Variants in MYO1C observed in about 807,000 individuals in gnomAD.
The protein encoded by MYO1C is unconventional myosin-Ic.
Under a neutral mutation model 150.8 loss-of-function variants are expected in MYO1C, and 104 were observed. The ratio of observed to expected loss-of-function variants is 0.69; its 90% CI spans 0.59 to 0.81. The LOEUF is 0.81. MYO1C is among the 30% of genes least tolerant of loss of function. MYO1C has a pLI of 0.00. For synonymous variants in MYO1C, 663 were observed against 579.9 expected (o/e 1.14, Z -2.06); for missense variants, 1,504 against 1,435.0 (o/e 1.05, Z -0.78).
intron 14 of MYO1C, among the ~76,000 whole-genome samples, chr17:1,475,835 T>G (rs545150052): frequency 1.1e-4 from 17 of 152,096 alleles, no homozygotes; most frequent in African/African-American, 4.1e-4. Flanking sequence ...AAGGGCTGGG[T>G]GAGAGAGGGG....
intron 1 of MYO1C, among the ~76,000 whole-genome samples, chr17:1,487,803 C>G (rs1433012476): frequency 6.6e-6 from 1 of 152,174 alleles, no homozygotes; most frequent in African/African-American, 2.4e-5. Context: ...CCTGTGTAAT[C>G]CCAGCTGCTC....
chr17:1,491,524 C>T (rs980408152), intron 1 of MYO1C: 10 of 663,912 alleles, frequency 1.5e-5, no homozygotes, highest in Non-Finnish European at 1.9e-5. Context: ...GCCTCGTGCA[C>T]GGCGGCTCCC....
intron 31 of MYO1C, among the ~76,000 whole-genome samples, chr17:1,466,724 C>A (rs2074179107): frequency 6.7e-6 from 1 of 149,954 alleles, no homozygotes. Context: ...CTCCTGGGTT[C>A]AAGCAATTCT....
rs1332415592 is a variant in MYO1C, at chr17:1,492,398, A to T, written c.75+15T>A. The T allele has an allele frequency of 6.3e-7, 1 of 1,595,982 alleles. No individual in the cohort carries two copies. The highest frequency in any genetic ancestry group is 1.3e-5 in the African/African-American group (1 of 74,398). On this transcript the variant is annotated intron_variant, in intron 1 of 31. Transcript: ENST00000648651. ...CGCTCCCACCCTCCTCCCAGCCCAG[A>T]GCATCCCAGCTTACAAGCTTGCAGG...
At position 1,470,635 on chromosome 17, in the gene MYO1C, C is replaced by T. The variant is rs761592760; in HGVS notation, c.2267G>A (p.Arg756Gln). 8.1e-6 allele frequency: 13 copies of T among 1,611,692 alleles called. 1 individual carries two copies. The Admixed American group carries it at 8.3e-5, about 10-fold the overall frequency. The part of the protein sequence containing the change: ...RGFHWRQKFL[R>Q]VKRSAICIQS... ...GGCCCGCGAACCTGATCTCTTCACCCGGAGGAATTTCTGCCGCCAGTGAAA... is the reference window on the plus strand; with the variant it reads ...GGCCCGCGAACCTGATCTCTTCACCTGGAGGAATTTCTGCCGCCAGTGAAA... Residue 756 changes from arginine to glutamine, a missense_variant, in exon 22 of 32, where the codon CGG (arginine) becomes CAG (glutamine). By Grantham distance (43) the Arg-to-Gln change is conservative (BLOSUM62 1). Coordinates refer to ENST00000648651, the MANE Select transcript of MYO1C (RefSeq NM_001080779.2).
rs1318388345 is a variant in MYO1C, at chr17:1,478,542, C to G, written c.1213-50G>C. 6.2e-7 allele frequency: 1 copy of G among 1,613,766 alleles called. No individual in the cohort carries two copies. The highest frequency in any genetic ancestry group is 8.5e-7 in the Non-Finnish European group (1 of 1,179,922). On this transcript the variant is annotated intron_variant, in intron 10 of 31. Coordinates refer to ENST00000648651, the MANE Select transcript of MYO1C (RefSeq NM_001080779.2). The surrounding 1 kb of genome is among the most constrained non-coding windows in gnomAD (Gnocchi z 6.3). ...CGTGGGCCCCCTGCGCGTGCCAGCCCCACCCTGCAGCACCCCCCGCCTCGC... is the reference window on the plus strand; with the variant it reads ...CGTGGGCCCCCTGCGCGTGCCAGCCGCACCCTGCAGCACCCCCCGCCTCGC...
At chr17:1,477,192 TTTTG>T in intron 14 of MYO1C, 1 of 261,218 alleles carries the variant, frequency 3.8e-6, no homozygotes, top group Non-Finnish European at 7.3e-6. Flanking sequence ...TTTTTTTTTT[TTTTG>T]AGACGGAGTC....
At chr17:1,486,363 G>C (rs1419369132) in intron 1 of MYO1C, among the ~76,000 whole-genome samples, 1 of 152,142 alleles carries the variant, frequency 6.6e-6, no homozygotes, top group Non-Finnish European at 1.5e-5. Context: ...TGCCCTGGCC[G>C]AGCGCGCGGA....
At chr17:1,480,501 A>G (rs1299602942) in intron 7 of MYO1C, 26 bp downstream of exon 7, 2 of 1,586,540 alleles carry the variant, frequency 1.3e-6, no homozygotes, top group Non-Finnish European at 1.7e-6. Flanking sequence ...ACAGGAGGAA[A>G]GCGAGGGTCC....
rs1173677877 is a variant in MYO1C at position 1,470,288 on chromosome 17, T to C, written c.2413A>G (p.Asn805Asp). Residue 805 changes from asparagine (N) to aspartate (D), a missense_variant, in exon 24 of 32, where the codon AAC becomes GAC. Asn to Asp is a conservative substitution (Grantham distance 23). Transcript: ENST00000648651. ...VLRHAPRCPE[N>D]AFFLDHVRTS... The stretch of plus-strand genomic sequence containing the variant: ...CGCACATGGTCCAGGAAGAAGGCGT[T>C]CTCGGGGCAGCGGGGGGCGTGGCGC... 20 of 1,576,786 alleles carry C rather than the reference T, an allele frequency of 1.3e-5. No individual in the cohort carries two copies. The highest frequency in any genetic ancestry group is 1.7e-5 in the Non-Finnish European group (20 of 1,162,572).
At position 1,467,954 on chromosome 17, in the gene MYO1C, GGCCCTCCCCCTGCA is replaced by G; in HGVS notation, c.2896+20_2896+33del. ...GGTCAGAGGTCGAGGGTCAGAGCAGGGCCCTCCCCCTGCAGCCCTGGACCCTGGCTGACCGGTCA... is the reference window on the plus strand; with the variant it reads ...GGTCAGAGGTCGAGGGTCAGAGCAGGGCCCTGGACCCTGGCTGACCGGTCA... On this transcript the variant is annotated intron_variant, in intron 28 of 31. Transcript: ENST00000648651. 1 of 1,612,788 alleles carries G rather than the reference GGCCCTCCCCCTGCA, an allele frequency of 6.2e-7. No homozygotes were observed. The highest frequency in any genetic ancestry group is 8.5e-7 in the Non-Finnish European group (1 of 1,179,834).
Position 1,480,624 on chromosome 17 carries a change from C to T in MYO1C, c.809G>A (p.Gly270Asp). The T allele has an allele frequency of 6.2e-7, 1 of 1,614,102 alleles. No individual in the cohort carries two copies. The highest frequency in any genetic ancestry group is 8.5e-7 in the Non-Finnish European group (1 of 1,180,012). Residue 270 changes from glycine (G) to aspartate (D), a missense_variant and splice_region_variant, in exon 7 of 32, where the codon GGC (glycine) becomes GAC (aspartate). Physicochemically the swap from Gly to Asp is moderately conservative, Grantham distance 94. Coordinates refer to ENST00000648651, the MANE Select transcript of MYO1C (RefSeq NM_001080779.2). ...GATGGAGGAGACTTTGGCACACTGGCCCTGGAGGAAGGGCACAGCTGGGTT... is the reference window on the plus strand; with the variant it reads ...GATGGAGGAGACTTTGGCACACTGGTCCTGGAGGAAGGGCACAGCTGGGTT... ...NPQSYLYLVKGQCAKVSSIND... is the reference protein window; with the variant it reads ...NPQSYLYLVKDQCAKVSSIND...
chr17:1,485,800 CCCGCCCCCCGCA>C, intron 1 of MYO1C: 1 of 643,730 alleles, frequency 1.6e-6, no homozygotes, highest in South Asian at 7.1e-5. Context: ...CGAGGGAGGG[CCCGCCCCCCGCA>C]CCGCCCCCAC....
intron 31 of MYO1C, among the ~76,000 whole-genome samples, chr17:1,466,683 T>C (rs1313784104): frequency 6.8e-6 from 1 of 146,230 alleles, no homozygotes; most frequent in Admixed American, 7.0e-5. Flanking sequence ...TGGAGTGCAG[T>C]GGCATGATAT....
At chr17:1,487,268 T>C (rs2074673584) in intron 1 of MYO1C, among the ~76,000 whole-genome samples, 1 of 152,166 alleles carries the variant, frequency 6.6e-6, no homozygotes, top group Admixed American at 6.5e-5. Context: ...TCCGATCCGG[T>C]GGGGAGAGCC....
chr17:1,488,982 A>G (rs1347795762), intron 1 of MYO1C, among the ~76,000 whole-genome samples: 1 of 152,148 alleles, frequency 6.6e-6, no homozygotes. Context: ...GAAAGCTCAA[A>G]TGTTCCCCCA....
chr17:1,468,045 C>T lies in MYO1C; in HGVS notation c.2839G>A (p.Val947Ile), dbSNP rs757986820. The T allele has an allele frequency of 6.1e-5, 98 of 1,613,112 alleles. No individual in the cohort carries two copies. Among genetic ancestry groups the T allele is most frequent in the Non-Finnish European group, 8.1e-5 (95 of 1,179,912 alleles). Residue 947 changes from valine (V) to isoleucine (I), a missense_variant, in exon 28 of 32, where the codon GTC (valine) becomes ATC (isoleucine). Transcript: ENST00000648651. ...ACTTTGGCGTCCTCCACGATGACGACGGCGTTGGGCGTGAGCAGCAGCTGC... is the reference window on the plus strand; with the variant it reads ...ACTTTGGCGTCCTCCACGATGACGATGGCGTTGGGCGTGAGCAGCAGCTGC... Reference protein sequence around the residue: ...SRQLLLTPNAVVIVEDAKVKQ... With the variant: ...SRQLLLTPNAIVIVEDAKVKQ...
chr17:1,467,669 C>T, intron 29 of MYO1C, 92 bp from the exon 30 acceptor site: 1 of 987,452 alleles, frequency 1.0e-6, no homozygotes, highest in Non-Finnish European at 1.4e-6. Flanking sequence ...ACCCCCAAAT[C>T]CACCCCCATC....
intron 1 of MYO1C, among the ~76,000 whole-genome samples, chr17:1,487,272 G>GA (rs1233699812): frequency 5.3e-5 from 8 of 152,222 alleles, no homozygotes; most frequent in Non-Finnish European, 8.8e-5. Flanking sequence ...ATCCGGTGGG[G>GA]AGAGCCTCAG....
Sources: allele counts gnomAD v4.1 joint callset (sites outside exome capture counted in the v4.1 genomes callset), GRCh38; gene constraint gnomAD v4.1.1; non-coding constraint Gnocchi (gnomAD v3.1); transcripts MANE v1.5; gene names NCBI Gene and HGNC (gene_info 2026-07-23, HGNC 2026-07-21).